The following CORO2B variants were observed in gnomAD, a reference collection of about 807,000 sequenced individuals.
The protein encoded by CORO2B is coronin-2B.
CORO2B carries 26 observed loss-of-function variants against 58.8 expected under a neutral mutation model. The ratio of observed to expected loss-of-function variants is 0.44; its 90% CI spans 0.32 to 0.61. The LOEUF (loss-of-function observed/expected upper bound fraction) is 0.61, where lower values mean the gene tolerates loss of function less well. Ranked by LOEUF, CORO2B falls within the 20% of genes least tolerant of loss-of-function variation. The pLI is 0.04. For synonymous variants in CORO2B, 242 were observed against 253.8 expected, an observed-to-expected ratio of 0.95 and a Z score of 0.44; for missense variants, 460 against 645.1, an observed-to-expected ratio of 0.71 and a Z score of 3.11.
At chr15:68,723,116 C>CTTTTT (rs767517372) in intron 11 of CORO2B, among the ~76,000 whole-genome samples, 1 of 91,468 alleles carries the variant, frequency 1.1e-5, no homozygotes, top group Non-Finnish European at 2.1e-5. Flanking sequence ...TACATACATT[C>CTTTTT]TTTTTTTTTT....
At chr15:68,609,153 G>A (rs1389342643) in intron 1 of CORO2B, among the ~76,000 whole-genome samples, 1 of 152,182 alleles carries the variant, frequency 6.6e-6, no homozygotes, top group African/African-American at 2.4e-5. Flanking sequence ...TTTGGGTTAG[G>A]CAGATACGCA....
chr15:68,660,651 A>G (rs541964575), intron 2 of CORO2B, among the ~76,000 whole-genome samples: 401 of 152,208 alleles, frequency 2.6e-3, no homozygotes, highest in Middle Eastern at 6.8e-3. Flanking sequence ...GATTACAGGT[A>G]TGAGCCACTG....
chr15:68,672,159 G>GGTGTGTATGTGTGTGT (rs1902421004), intron 2 of CORO2B, among the ~76,000 whole-genome samples: 1 of 146,178 alleles, frequency 6.8e-6, no homozygotes, highest in South Asian at 2.2e-4. Context: ...GTAATCGGGA[G>GGTGTGTATGTGTGTGT]GTGTGTGTGT....
At chr15:68,637,414 T>C (rs1901065104) in intron 1 of CORO2B, among the ~76,000 whole-genome samples, 1 of 152,226 alleles carries the variant, frequency 6.6e-6, no homozygotes, top group Non-Finnish European at 1.5e-5. Flanking sequence ...CAGCTCTCGC[T>C]CACGACCCAG....
chr15:68,578,023 A>C (rs1595948039), upstream of CORO2B, among the ~76,000 whole-genome samples: 1 of 151,220 alleles, frequency 6.6e-6, no homozygotes, highest in Non-Finnish European at 1.5e-5. This position sits in a 1 kb window ranked among gnomAD's most constrained non-coding sequence, Gnocchi z 4.2. Context: ...CCTCCCCTCC[A>C]CCCTCTCCGC....
chr15:68,621,965 T>C (rs893827135), intron 1 of CORO2B, among the ~76,000 whole-genome samples: 14 of 151,982 alleles, frequency 9.2e-5, no homozygotes, highest in African/African-American at 2.9e-4. Context: ...AGGTTCTCAC[T>C]ATGTTGCCCA....
intron 1 of CORO2B, among the ~76,000 whole-genome samples, chr15:68,590,586 G>A (rs140124204): frequency 2.6e-4 from 39 of 152,292 alleles, no homozygotes; most frequent in Non-Finnish European, 4.4e-4. Flanking sequence ...CTGCGGGGCC[G>A]CTGGTTTAGA....
At chr15:68,695,115 C>T in intron 2 of CORO2B, 25 bp from the exon 3 acceptor site, 1 of 1,544,602 alleles carries the variant, frequency 6.5e-7, no homozygotes, top group Non-Finnish European at 8.9e-7. Context: ...ATCTCCTTCT[C>T]TCTCTCTCTC....
the CORO2B span, among the ~76,000 whole-genome samples, chr15:68,518,766 T>G: frequency 1.3e-5 from 2 of 151,198 alleles, no homozygotes; most frequent in Admixed American, 1.3e-4. Flanking sequence ...GGAGAGGGGG[T>G]GGGGGGCTGC....
intron 1 of CORO2B, among the ~76,000 whole-genome samples, chr15:68,628,422 G>A (rs1203998009): frequency 6.6e-6 from 1 of 152,212 alleles, no homozygotes; most frequent in Non-Finnish European, 1.5e-5. Context: ...TGAAGACTAA[G>A]GAAGGCAGTA....
At chr15:68,591,361 T>C (rs552977687) in intron 1 of CORO2B, among the ~76,000 whole-genome samples, 1 of 152,280 alleles carries the variant, frequency 6.6e-6, no homozygotes, top group African/African-American at 2.4e-5. Flanking sequence ...TTTGGCTTAT[T>C]CTAGGAGAGA....
chr15:68,519,616 A>G, the CORO2B span, among the ~76,000 whole-genome samples: 4 of 152,040 alleles, frequency 2.6e-5, no homozygotes, highest in African/African-American at 9.7e-5. Flanking sequence ...CCAACAACCA[A>G]CTTTTGATTT....
intron 2 of CORO2B, among the ~76,000 whole-genome samples, chr15:68,686,053 T>C (rs1902965362): frequency 6.7e-6 from 1 of 149,564 alleles, no homozygotes; most frequent in Admixed American, 6.7e-5. Flanking sequence ...TTTTTTTTTT[T>C]TGAGACGGAG....
the CORO2B span, among the ~76,000 whole-genome samples, chr15:68,537,872 T>C: frequency 6.6e-6 from 1 of 152,232 alleles, no homozygotes. Flanking sequence ...ATTTACTATC[T>C]GGTCTTGTAC....
At chr15:68,654,799 A>G (rs1445147315) in intron 2 of CORO2B, among the ~76,000 whole-genome samples, 1 of 152,194 alleles carries the variant, frequency 6.6e-6, no homozygotes, top group Non-Finnish European at 1.5e-5. Flanking sequence ...ACCCCATCCT[A>G]GCAATAGCCT....
At chr15:68,569,367 CA>C in the CORO2B span, among the ~76,000 whole-genome samples, 1 of 152,202 alleles carries the variant, frequency 6.6e-6, no homozygotes, top group Admixed American at 6.5e-5. Flanking sequence ...TCCACAATGT[CA>C]TCTAGTTGGA....
intron 2 of CORO2B, among the ~76,000 whole-genome samples, chr15:68,672,539 A>G (rs935220925): frequency 1.3e-5 from 2 of 152,210 alleles, no homozygotes; most frequent in African/African-American, 4.8e-5. Flanking sequence ...TCGGCCTTCC[A>G]AAGTGCTGGG....
chr15:68,700,004 G>C (rs78454659), intron 3 of CORO2B, among the ~76,000 whole-genome samples: 4,097 of 152,316 alleles, frequency 0.027, 164 homozygotes, highest in African/African-American at 0.088. Flanking sequence ...CAGCCTGGGA[G>C]GGGGTGGGGC....
chr15:68,664,691 CAT>C lies in CORO2B; in HGVS notation c.216+19334_216+19335del, dbSNP rs537178361. ...AAAAACAAAAAAACCTGAGTGTTAT[CAT>C]ATGTTTTAATTTTTTGCCAAGCTGA... On this transcript the variant is annotated intron_variant, in intron 2 of 11. Transcript: ENST00000261861. 1.7e-3 allele frequency among the ~76,000 whole-genome samples: 263 copies of C among 152,176 alleles called. 3 individuals carry two copies. The highest frequency in any genetic ancestry group is 6.6e-3 in the South Asian group (32 of 4,826).
Sources: allele counts gnomAD v4.1 joint callset (sites outside exome capture counted in the v4.1 genomes callset), GRCh38; gene constraint gnomAD v4.1.1; non-coding constraint Gnocchi (gnomAD v3.1); transcripts MANE v1.5; gene names NCBI Gene and HGNC (gene_info 2026-07-23, HGNC 2026-07-21).